MBP: variants seen among roughly 807,000 people sequenced by gnomAD.
The protein encoded by MBP is Golli-MBP.
Under a neutral mutation model 35.8 loss-of-function variants are expected in MBP, and 16 were observed. That is an observed-to-expected ratio of 0.45 (90% CI 0.30 to 0.68). MBP has a LOEUF of 0.68. Among genes scored for constraint, MBP ranks in the 30% least tolerant of loss-of-function variants. MBP has a pLI of 0.08. For missense variants in MBP, 380 were observed against 404.7 expected (o/e 0.94, Z 0.52); for synonymous variants, 143 against 159.6 (o/e 0.90, Z 0.78).
chr18:77,117,541 G>A lies in MBP; in HGVS notation c.-25-12255C>T, dbSNP rs545844624. The stretch of plus-strand genomic sequence containing the variant: ...AACAGGGTTTGAAAGATGCAAACAC[G>A]TTGGCAGAACACATTCATAGTTCCG... On this transcript the variant is annotated intron_variant, in intron 1 of 8. Transcript: ENST00000355994. 7.2e-4 allele frequency among the ~76,000 whole-genome samples: 110 copies of A among 152,200 alleles called. 1 individual carries two copies. The highest frequency in any genetic ancestry group is 2.6e-3 in the African/African-American group (108 of 41,526).
At chr18:77,070,105 A>G (rs1162311082) in intron 2 of MBP, among the ~76,000 whole-genome samples, 1 of 152,220 alleles carries the variant, frequency 6.6e-6, no homozygotes, top group Admixed American at 6.5e-5. Flanking sequence ...TCTACTCGCA[A>G]AACAAATAAT....
chr18:76,980,338 C>T lies in MBP; in HGVS notation c.*89G>A. The T allele has an allele frequency of 8.0e-7, 1 of 1,244,700 alleles. No individual in the cohort carries two copies. The highest frequency in any genetic ancestry group is 1.2e-5 in the South Asian group (1 of 83,642). The allele number at this position is 1,244,700 out of a possible 1,614,324, so 77.1% of individuals were successfully genotyped here. A position where few individuals can be genotyped will look rare whatever the true frequency, so the allele number is the denominator to read the frequency against. The stretch of plus-strand genomic sequence containing the variant: ...GGCATTAGGGGAGGGGTCATCTGCT[C>T]TAATTAGGTAACAGGGGCAAGTGGG... On this transcript the variant is annotated 3_prime_UTR_variant, in exon 9 of 9. Coordinates refer to ENST00000355994, the MANE Select transcript of MBP (RefSeq NM_001025101.2).
rs1488924813 is a variant in MBP, at chr18:77,131,138, C to G, written c.-26+1442G>C. Among the ~76,000 whole-genome samples, 1 of 150,778 alleles carries G rather than the reference C, an allele frequency of 6.6e-6. No homozygotes were observed. Among genetic ancestry groups the G allele is most frequent in the East Asian group, 2.0e-4 (1 of 5,082 alleles). On this transcript the variant is annotated intron_variant, in intron 1 of 8. Transcript: ENST00000355994. The surrounding 1 kb of genome is among the most constrained non-coding windows in gnomAD (Gnocchi z 5.5). Reference sequence around the variant, plus strand: ...ACACACACCCCCTCTGCCGCGGTACCCTTCCCCTGGCCTTCCTCCACTGAA... The same window carrying G: ...ACACACACCCCCTCTGCCGCGGTACGCTTCCCCTGGCCTTCCTCCACTGAA...
At chr18:77,124,960 C>T (rs1485674044) in intron 1 of MBP, among the ~76,000 whole-genome samples, 1 of 152,212 alleles carries the variant, frequency 6.6e-6, no homozygotes, top group Non-Finnish European at 1.5e-5. Context: ...GTTGCAAACA[C>T]CTAGTTAATC....
At chr18:77,060,468 T>TTTTTA (rs11422817) in intron 3 of MBP, among the ~76,000 whole-genome samples, 3,747 of 132,776 alleles carry the variant, frequency 0.028, 120 homozygotes, top group East Asian at 0.071. Context: ...TTTTTTTTTT[T>TTTTTA]ATGAGGCGGA....
At chr18:77,045,418 G>T (rs1973205604) in intron 3 of MBP, among the ~76,000 whole-genome samples, 3 of 152,010 alleles carry the variant, frequency 2.0e-5, no homozygotes, top group African/African-American at 7.3e-5. Context: ...CTGGAGCCTG[G>T]CTGCCAGCAG....
chr18:77,038,242 G>C (rs947611162), intron 3 of MBP, among the ~76,000 whole-genome samples: 1 of 152,178 alleles, frequency 6.6e-6, no homozygotes. Flanking sequence ...TAAAAGAAAA[G>C]AAACATGTTG....
chr18:77,089,896 G>GT (rs1975432389), intron 2 of MBP, among the ~76,000 whole-genome samples: 1 of 152,136 alleles, frequency 6.6e-6, no homozygotes. Flanking sequence ...AGGCTCAGGG[G>GT]TGTCCCCACA....
At chr18:76,993,973 T>G (rs1462482478) in intron 4 of MBP, among the ~76,000 whole-genome samples, 1 of 152,254 alleles carries the variant, frequency 6.6e-6, no homozygotes, top group African/African-American at 2.4e-5. Flanking sequence ...AGAACTCAAG[T>G]AATTCTCTGA....
rs1156767144 is a variant in MBP, at chr18:77,131,085, GCACACA to G, written c.-26+1489_-26+1494del. Among the ~76,000 whole-genome samples, 3 of 53,342 alleles carry G rather than the reference GCACACA, an allele frequency of 5.6e-5. No homozygotes were observed. Among genetic ancestry groups the G allele is most frequent in the South Asian group, 1.1e-3 (2 of 1,880 alleles). 35.0% of individuals were successfully genotyped at this position (53,342 alleles called of 152,430 possible). On this transcript the variant is annotated intron_variant, in intron 1 of 8. Coordinates refer to ENST00000355994, the MANE Select transcript of MBP (RefSeq NM_001025101.2). The surrounding 1 kb of genome is among the most constrained non-coding windows in gnomAD (Gnocchi z 5.5). Reference sequence around the variant, plus strand: ...AACACACACACGCGCGCACGCACGCGCACACACACACACACACACACACACACACAC... The same window carrying G: ...AACACACACACGCGCGCACGCACGCGCACACACACACACACACACACACAC...
chr18:77,085,492 C>A (rs1250821914), intron 2 of MBP, among the ~76,000 whole-genome samples: 1 of 152,088 alleles, frequency 6.6e-6, no homozygotes, highest in Non-Finnish European at 1.5e-5. Context: ...TCTCATGGCC[C>A]TTTTAGGGCT....
chr18:77,023,659 T>C (rs1972081730), intron 3 of MBP, among the ~76,000 whole-genome samples: 1 of 152,128 alleles, frequency 6.6e-6, no homozygotes, highest in Non-Finnish European at 1.5e-5. Flanking sequence ...GGTTCCCTTG[T>C]TCTCCTCCGT....
At chr18:77,018,350 A>C in intron 3 of MBP, among the ~76,000 whole-genome samples, 1 of 112,996 alleles carries the variant, frequency 8.8e-6, no homozygotes, top group Non-Finnish European at 2.2e-5. Flanking sequence ...CTATCCATCC[A>C]TCCATACACA....
intron 2 of MBP, among the ~76,000 whole-genome samples, chr18:77,086,606 T>C (rs1032188866): frequency 4.6e-5 from 7 of 152,128 alleles, no homozygotes; most frequent in Non-Finnish European, 8.8e-5. Context: ...ATTAAATGGG[T>C]TTCTCTGAGT....
intron 4 of MBP, among the ~76,000 whole-genome samples, chr18:76,998,454 A>G (rs1238006635): frequency 6.6e-6 from 1 of 152,138 alleles, no homozygotes; most frequent in African/African-American, 2.4e-5. Context: ...TTCTGGCTCT[A>G]GTTCTCAGTC....
intron 2 of MBP, among the ~76,000 whole-genome samples, chr18:77,079,173 C>T (rs1974783769): frequency 6.6e-6 from 1 of 152,186 alleles, no homozygotes; most frequent in Non-Finnish European, 1.5e-5. Context: ...GTCTTTCGGA[C>T]CAGGGGTAGC....
At chr18:77,016,227 AT>A in intron 4 of MBP, 8 of 985,236 alleles carry the variant, frequency 8.1e-6, no homozygotes, top group Non-Finnish European at 9.6e-6. Flanking sequence ...CTGTATGCAA[AT>A]TAATGGAATC....
intron 1 of MBP, among the ~76,000 whole-genome samples, chr18:77,121,564 C>T (rs1207646962): frequency 6.6e-6 from 1 of 152,186 alleles, no homozygotes; most frequent in African/African-American, 2.4e-5. Flanking sequence ...GAGCTTCTAA[C>T]ATCTTGCTTA....
rs188215192 is a variant in MBP at position 77,032,667 on chromosome 18, G to A, written c.140-15399C>T. 5.4e-3 allele frequency among the ~76,000 whole-genome samples: 823 copies of A among 151,636 alleles called. 6 individuals are homozygous for A. The highest frequency in any genetic ancestry group is 0.019 in the African/African-American group (783 of 41,082). ...GCCCAGCTTCCCTAACACGGTTGGC[G>A]TAGAGATAAGAGATTCTTAAAGAGC... On this transcript the variant is annotated intron_variant, in intron 3 of 8. Transcript: ENST00000355994.
Sources: allele counts gnomAD v4.1 joint callset (sites outside exome capture counted in the v4.1 genomes callset), GRCh38; gene constraint gnomAD v4.1.1; non-coding constraint Gnocchi (gnomAD v3.1); transcripts MANE v1.5; gene names NCBI Gene and HGNC (gene_info 2026-07-23, HGNC 2026-07-21).